Variants in PSG6 observed in about 807,000 individuals in gnomAD.
PSG6 encodes the protein pregnancy specific beta-1-glycoprotein 6, also known as pregnancy-specific beta-1-glycoprotein 6.
Under a neutral mutation model 43.3 loss-of-function variants are expected in PSG6, and 51 were observed. The ratio of observed to expected loss-of-function variants is 1.18; its 90% CI spans 0.94 to 1.49. PSG6 has a LOEUF of 1.49. Ranked by LOEUF, PSG6 falls within the 40% of genes most tolerant of loss-of-function variation. The pLI is 0.00. For missense variants in PSG6, 770 were observed against 522.2 expected (o/e 1.47, Z -4.62); for synonymous variants, 292 against 197.6 (o/e 1.48, Z -4.01).
rs1182786040 is a variant in PSG6, at chr19:42,906,799, T to A, written c.1240+123A>T. 47 of 1,600,072 alleles carry A rather than the reference T, an allele frequency of 2.9e-5. No homozygotes were observed. The Admixed American group carries it at 7.7e-4, about 26-fold the overall frequency. On this transcript the variant is annotated intron_variant, in intron 5 of 5. Transcript: ENST00000187910. Reference sequence around the variant, plus strand: ...AAGTTGGGAGGGTTCAGGAGGAGAATTTGGGATTTGCTTGTGCCCATGGGA... The same window carrying A: ...AAGTTGGGAGGGTTCAGGAGGAGAAATTGGGATTTGCTTGTGCCCATGGGA...
intron 4 of PSG6, 37 bp downstream of exon 4, chr19:42,907,539 T>C (rs755892290): frequency 6.2e-7 from 1 of 1,609,008 alleles, no homozygotes; most frequent in Non-Finnish European, 8.5e-7. Flanking sequence ...GGAGTTAAGC[T>C]GGTGTCCTGG....
At chr19:42,907,475 A>G (rs1972136706) in intron 4 of PSG6, 101 bp downstream of exon 4, 1 of 1,562,118 alleles carries the variant, frequency 6.4e-7, no homozygotes, top group South Asian at 1.2e-5. Flanking sequence ...CCAGAAGTAA[A>G]GTTGTCTATA....
At position 42,917,873 on chromosome 19, in the gene PSG6, C is replaced by T; in HGVS notation, c.-81G>A. 2.0e-6 allele frequency: 3 copies of T among 1,522,658 alleles called. No homozygotes were observed. The highest frequency in any genetic ancestry group is 2.7e-6 in the Non-Finnish European group (3 of 1,119,282). 94.3% of individuals were successfully genotyped at this position (1,522,658 alleles called of 1,614,324 possible). ...TTCCTGAGCAGGGCTGTCAGGTGTG[C>T]TGTCCTTCCTCCTTCTGTGCTGAGC... On this transcript the variant is annotated 5_prime_UTR_variant, in exon 1 of 6. Coordinates refer to ENST00000187910, the MANE Select transcript of PSG6 (RefSeq NM_001031850.4).
chr19:42,903,379 C>T (rs1185247368), intron 5 of PSG6, among the ~76,000 whole-genome samples: 1 of 151,420 alleles, frequency 6.6e-6, no homozygotes, highest in African/African-American at 2.4e-5. Context: ...TACTTTAATA[C>T]TTCAGGATAC....
rs143621389 is a variant in PSG6, at chr19:42,916,355, A to C, written c.197T>G (p.Ile66Ser). Residue 66 changes from isoleucine (I) to serine (S), a missense_variant, in exon 2 of 6, where the codon ATC becomes AGC. By Grantham distance (142) the Ile-to-Ser change is moderately radical. Transcript: ENST00000187910. ...HNLPQNLTGY[I>S]WYKGQMTDLY... ...GTCCGTCATTTGCCCTTTGTACCAG[A>C]TGTAGCCAGTAAGATTCTGGGGCAA... 4.1e-5 allele frequency: 66 copies of C among 1,612,116 alleles called. 3 individuals are homozygous for C. The African/African-American group carries it at 6.0e-4, about 15-fold the overall frequency.
rs1667459682 is a variant in PSG6 at position 42,907,725 on chromosome 19, A to T, written c.836T>A (p.Leu279His). 1 of 1,610,684 alleles carries T rather than the reference A, an allele frequency of 6.2e-7. No individual in the cohort carries two copies. The highest frequency in any genetic ancestry group is 1.7e-5 in the Admixed American group (1 of 59,870). ...TCGCTTTACCCTCGGACTGACCGGGAGGCTCTGACCATTTAGCCACCAAAT... is the reference window on the plus strand; with the variant it reads ...TCGCTTTACCCTCGGACTGACCGGGTGGCTCTGACCATTTAGCCACCAAAT... Reference protein sequence around the residue: ...TYIWWLNGQSLPVSPRVKRPI... With the variant: ...TYIWWLNGQSHPVSPRVKRPI... The change falls in exon 4 of 6, where the codon CTC (leucine) becomes CAC (histidine). Residue 279 changes from leucine (L) to histidine (H), a missense_variant. Physicochemically the swap from Leu to His is moderately conservative, Grantham distance 99 (BLOSUM62 -3). Coordinates refer to ENST00000187910, the MANE Select transcript of PSG6 (RefSeq NM_001031850.4).
intron 2 of PSG6, 21 bp from the exon 3 acceptor site, chr19:42,910,879 A>G: frequency 6.3e-7 from 1 of 1,590,482 alleles, no homozygotes; most frequent in Admixed American, 1.7e-5. Context: ...AACAGAGAGA[A>G]GATTGCCCTG....
At chr19:42,916,982 A>G (rs1318219581) in intron 1 of PSG6, among the ~76,000 whole-genome samples, 6 of 151,394 alleles carry the variant, frequency 4.0e-5, no homozygotes, top group African/African-American at 7.3e-5. Flanking sequence ...GTGAGGACAG[A>G]GACTTTTGTC....
Position 42,910,712 on chromosome 19 carries a change from A to C in PSG6, c.574T>G (p.Leu192Val). 6.2e-7 allele frequency: 1 copy of C among 1,612,300 alleles called. No individual in the cohort carries two copies. The highest frequency in any genetic ancestry group is 8.5e-7 in the Non-Finnish European group (1 of 1,179,236). Reference protein sequence around the residue: ...NGQNLPMTHRLQLSKTNRTLY... With the variant: ...NGQNLPMTHRVQLSKTNRTLY... Reference sequence around the variant, plus strand: ...GTCCTGTTGGTTTTGGACAGCTGCAACCTGTGAGTCATAGGGAGGTTCTGA... The same window carrying C: ...GTCCTGTTGGTTTTGGACAGCTGCACCCTGTGAGTCATAGGGAGGTTCTGA... Residue 192 changes from leucine (L) to valine (V), a missense_variant, in exon 3 of 6, where the codon TTG becomes GTG. By Grantham distance (32) the Leu-to-Val change is conservative. Coordinates refer to ENST00000187910, the MANE Select transcript of PSG6 (RefSeq NM_001031850.4).
In PSG6 at chr19:42,916,486, T is replaced by C; in HGVS notation, c.66A>G (p.Ala22=). ...GCAGGTTCCAGAAGTTTAAAAGTGA[T>C]GCTAGGAGGTAGAGACAGCATCAGT... ...HITWKGLLLT[A]SLLNFWNLPT... is the part of the protein sequence containing the mutation. The change falls in exon 2 of 6, where the codon GCA becomes GCG. Residue 22 remains alanine (A), a splice_region_variant and synonymous_variant. Transcript: ENST00000187910. 2 of 1,608,676 alleles carry C rather than the reference T, an allele frequency of 1.2e-6. No individual in the cohort carries two copies.
intron 2 of PSG6, among the ~76,000 whole-genome samples, chr19:42,912,942 G>A (rs964669627): frequency 1.8e-4 from 27 of 151,742 alleles, no homozygotes; most frequent in Admixed American, 1.4e-3. Flanking sequence ...AGCCTTTGTA[G>A]TTGTCCCACA....
intron 5 of PSG6, among the ~76,000 whole-genome samples, chr19:42,906,302 C>T (rs1568441734): frequency 2.0e-5 from 3 of 151,476 alleles, no homozygotes; most frequent in East Asian, 1.9e-4. Context: ...GCAGCCTGGC[C>T]CGGGGGAGGC....
At chr19:42,916,037 G>A (rs772634809) in intron 2 of PSG6, 88 bp downstream of exon 2, 6 of 1,585,474 alleles carry the variant, frequency 3.8e-6, no homozygotes, top group Non-Finnish European at 5.2e-6. Context: ...GAGTGACACA[G>A]GCAGAGTCCA....
chr19:42,910,801 T>C lies in PSG6; in HGVS notation c.485A>G (p.Glu162Gly). Residue 162 changes from glutamate (E) to glycine (G), a missense_variant, in exon 3 of 6, where the codon GAG becomes GGG. Physicochemically the swap from Glu to Gly is moderately conservative, Grantham distance 98. Coordinates refer to ENST00000187910, the MANE Select transcript of PSG6 (RefSeq NM_001031850.4). ...AGGATCACAGATTAAGCGCACAGCCTCCATGACCTCCCTGGGGTTTAAGTT... is the reference window on the plus strand; with the variant it reads ...AGGATCACAGATTAAGCGCACAGCCCCCATGACCTCCCTGGGGTTTAAGTT... ...SSNLNPREVMEAVRLICDPET... is the reference protein window; with the variant it reads ...SSNLNPREVMGAVRLICDPET... 6.2e-7 allele frequency: 1 copy of C among 1,612,208 alleles called. No individual in the cohort carries two copies. Among genetic ancestry groups the C allele is most frequent in the Non-Finnish European group, 8.5e-7 (1 of 1,179,162 alleles).
intron 1 of PSG6, 145 bp from the exon 2 acceptor site, chr19:42,916,632 G>C: frequency 7.7e-7 from 1 of 1,291,828 alleles, no homozygotes; most frequent in Non-Finnish European, 1.1e-6. Context: ...ACACAAAAGG[G>C]CATGTGTGTT....
intron 2 of PSG6, among the ~76,000 whole-genome samples, chr19:42,911,178 C>T (rs1356049140): frequency 6.6e-6 from 1 of 151,550 alleles, no homozygotes; most frequent in African/African-American, 2.4e-5. Context: ...GCCTGCCTGG[C>T]CCACCTTTTG....
rs556408586 is a variant in PSG6 at position 42,915,747 on chromosome 19, C to T, written c.427+378G>A. 2.5e-5 allele frequency: 9 copies of T among 356,814 alleles called. 1 individual carries two copies. The highest frequency in any genetic ancestry group is 8.6e-5 in the Admixed American group (2 of 23,248). 22.1% of individuals were successfully genotyped at this position (356,814 alleles called of 1,614,324 possible). On this transcript the variant is annotated intron_variant, in intron 2 of 5. Transcript: ENST00000187910. Reference sequence around the variant, plus strand: ...GACAGGGGTCTGGGATTGAGGCTTCCAGAGCTGAGGTTCTCTGAGGGTATC... The same window carrying T: ...GACAGGGGTCTGGGATTGAGGCTTCTAGAGCTGAGGTTCTCTGAGGGTATC...
Position 42,917,496 on chromosome 19 carries a change from G to A in PSG6, c.64+233C>T, listed in dbSNP as rs1165962090. Among the ~76,000 whole-genome samples the A allele has an allele frequency of 1.4e-4, 21 of 150,126 alleles. 1 individual carries two copies. The highest frequency in any genetic ancestry group is 4.0e-4 in the Admixed American group (6 of 14,994). On this transcript the variant is annotated intron_variant, in intron 1 of 5. Coordinates refer to ENST00000187910, the MANE Select transcript of PSG6 (RefSeq NM_001031850.4). ...ATCCTGCCTCAGCCTCCCGAAAGCT[G>A]GGATTACAGGAGCACACCACCATAC...
intron 1 of PSG6, among the ~76,000 whole-genome samples, chr19:42,917,370 T>A (rs1329679053): frequency 6.9e-6 from 1 of 145,724 alleles, no homozygotes; most frequent in African/African-American, 2.6e-5. Flanking sequence ...ATTCTTTTTT[T>A]TTTTTTTTTT....
Sources: gnomAD v4.1 joint callset for allele counts (sites outside exome capture counted in the v4.1 genomes callset) on GRCh38, gnomAD v4.1.1 for gene constraint, MANE v1.5 for transcripts, NCBI Gene and HGNC (gene_info 2026-07-23, HGNC 2026-07-21) for gene names.